The following EFCAB7 variants were observed in gnomAD, a reference collection of about 807,000 sequenced individuals.
EFCAB7 encodes the protein EF-hand calcium-binding domain-containing protein 7.
EFCAB7 carries 66 observed loss-of-function variants against 77.1 expected under a neutral mutation model. The ratio of observed to expected loss-of-function variants is 0.86; its 90% CI spans 0.70 to 1.05. The LOEUF (loss-of-function observed/expected upper bound fraction) is 1.05, where lower values mean the gene tolerates loss of function less well. Among genes scored for constraint, EFCAB7 ranks in the 50% least tolerant of loss-of-function variants. The probability of loss-of-function intolerance (pLI) is 0.00; values close to 1 mark genes in which losing one functional copy is unlikely to be tolerated. For missense variants in EFCAB7, 638 were observed against 730.5 expected, an observed-to-expected ratio of 0.87 and a Z score of 1.46; for synonymous variants, 225 against 243.3, an observed-to-expected ratio of 0.92 and a Z score of 0.70.
At chr1:63,584,318 G>T in the EFCAB7 span, among the ~76,000 whole-genome samples, 1 of 152,170 alleles carries the variant, frequency 6.6e-6, no homozygotes, top group East Asian at 1.9e-4. Flanking sequence ...ACTTTGGGAG[G>T]CTGAGGTGGA....
intron 4 of EFCAB7, 60 bp downstream of exon 4, chr1:63,532,816 TC>T: frequency 1.5e-6 from 2 of 1,363,286 alleles, no homozygotes; most frequent in African/African-American, 1.5e-5. Flanking sequence ...TTTTTATTTT[TC>T]CCCAGCTTTA....
intron 1 of EFCAB7, among the ~76,000 whole-genome samples, chr1:63,525,246 ATTC>A (rs546664049): frequency 1.9e-4 from 29 of 152,184 alleles, no homozygotes; most frequent in African/African-American, 6.7e-4. Context: ...TTGTTCAGTG[ATTC>A]TTCTCTTGTG....
chr1:63,541,393 G>A (rs986609703), intron 6 of EFCAB7, among the ~76,000 whole-genome samples: 8 of 152,098 alleles, frequency 5.3e-5, no homozygotes, highest in African/African-American at 1.9e-4. Flanking sequence ...CATGTCAATA[G>A]CTTTAAAAAT....
the EFCAB7 span, among the ~76,000 whole-genome samples, chr1:63,580,531 T>C: frequency 6.6e-6 from 1 of 152,232 alleles, no homozygotes; most frequent in South Asian, 2.1e-4. Context: ...GGTACTGTTC[T>C]TTTCCAGAAT....
intron 10 of EFCAB7, among the ~76,000 whole-genome samples, chr1:63,559,136 T>C (rs1647063777): frequency 6.6e-6 from 1 of 151,620 alleles, no homozygotes; most frequent in Admixed American, 6.6e-5. Context: ...ACCCCACTTG[T>C]ACTAAAAATA....
At position 63,572,346 on chromosome 1, in the gene EFCAB7, T is replaced by TA. The variant is rs577807194; in HGVS notation, c.1816-96_1816-95insA. The TA allele has an allele frequency of 3.9e-4, 375 of 966,352 alleles. 1 individual carries two copies. The African/African-American group carries it at 6.1e-3, about 16-fold the overall frequency. The allele number at this position is 966,352 out of a possible 1,614,324, so 59.9% of individuals were successfully genotyped here. A position where few individuals can be genotyped will look rare whatever the true frequency, so the allele number is the denominator to read the frequency against. ...TAGAATTTTATCTGTACAGGGATAT[T>TA]CTTATACAAGGCCTAGAAATGTTGT... On this transcript the variant is annotated intron_variant, in intron 13 of 13. Transcript: ENST00000371088.
intron 13 of EFCAB7, 99 bp downstream of exon 13, chr1:63,571,227 A>G (rs1647249129): frequency 8.0e-6 from 6 of 746,416 alleles, no homozygotes; most frequent in Non-Finnish European, 1.1e-5. Flanking sequence ...AATGGAGTGG[A>G]AAATTATTTT....
chr1:63,572,021 G>C (rs1187801073), intron 13 of EFCAB7, among the ~76,000 whole-genome samples: 1 of 152,206 alleles, frequency 6.6e-6, no homozygotes, highest in Non-Finnish European at 1.5e-5. Flanking sequence ...TACTGGGCAA[G>C]TGAAGGGAGA....
intron 2 of EFCAB7, among the ~76,000 whole-genome samples, chr1:63,531,430 T>C (rs866426128): frequency 9.8e-4 from 149 of 152,300 alleles, no homozygotes; most frequent in African/African-American, 3.4e-3. Flanking sequence ...ATTTATACTT[T>C]TTGTGTTATC....
intron 10 of EFCAB7, among the ~76,000 whole-genome samples, chr1:63,559,556 G>A (rs950873947): frequency 6.6e-6 from 1 of 152,054 alleles, no homozygotes; most frequent in Non-Finnish European, 1.5e-5. Flanking sequence ...CCTGCCTCCA[G>A]GCTCAAGCGA....
downstream of EFCAB7, among the ~76,000 whole-genome samples, chr1:63,576,245 C>T (rs1249344958): frequency 6.6e-6 from 1 of 152,122 alleles, no homozygotes; most frequent in East Asian, 1.9e-4. Context: ...CTTGGGAGGC[C>T]GAGGCTGGCA....
chr1:63,545,153 A>T (rs1374667656), intron 6 of EFCAB7, among the ~76,000 whole-genome samples: 1 of 151,374 alleles, frequency 6.6e-6, no homozygotes, highest in Non-Finnish European at 1.5e-5. Flanking sequence ...TCCTGATCTC[A>T]TGATCCACCC....
intron 9 of EFCAB7, among the ~76,000 whole-genome samples, chr1:63,556,489 C>T (rs970907090): frequency 2.6e-5 from 4 of 151,936 alleles, no homozygotes; most frequent in Non-Finnish European, 5.9e-5. Context: ...AGTCAAACAT[C>T]GACAATTTCT....
intron 10 of EFCAB7, among the ~76,000 whole-genome samples, chr1:63,558,512 C>T (rs1647056123): frequency 6.6e-6 from 1 of 152,102 alleles, no homozygotes; most frequent in Non-Finnish European, 1.5e-5. Flanking sequence ...CACAGATAGG[C>T]TCCAGAACTT....
intron 12 of EFCAB7, 138 bp downstream of exon 12, chr1:63,568,657 C>G (rs1337974699): frequency 3.2e-6 from 2 of 620,360 alleles, no homozygotes; most frequent in Non-Finnish European, 5.0e-6. Context: ...ATTATTTTTT[C>G]TCCTCAGGTT....
At chr1:63,528,736 T>C (rs780715442) in intron 2 of EFCAB7, among the ~76,000 whole-genome samples, 26 of 152,144 alleles carry the variant, frequency 1.7e-4, no homozygotes, top group Non-Finnish European at 3.5e-4. Context: ...AAAGGCACTT[T>C]AGGCTTAACA....
chr1:63,571,437 G>T (rs1034422103), intron 13 of EFCAB7, among the ~76,000 whole-genome samples: 1 of 152,056 alleles, frequency 6.6e-6, no homozygotes. Context: ...ACTTTGGGAG[G>T]CCGAGGTGGG....
intron 8 of EFCAB7, among the ~76,000 whole-genome samples, chr1:63,552,748 C>T (rs942735835): frequency 2.6e-5 from 4 of 152,110 alleles, no homozygotes; most frequent in African/African-American, 9.7e-5. Flanking sequence ...CATATTTAAT[C>T]TTTATATAGG....
At chr1:63,556,672 A>G (rs1443695643) in intron 9 of EFCAB7, among the ~76,000 whole-genome samples, 1 of 151,622 alleles carries the variant, frequency 6.6e-6, no homozygotes, top group Non-Finnish European at 1.5e-5. Flanking sequence ...CATTAACTTT[A>G]TAGTTTACAG....
Sources: gnomAD v4.1 joint callset for allele counts (sites outside exome capture counted in the v4.1 genomes callset) on GRCh38, gnomAD v4.1.1 for gene constraint, MANE v1.5 for transcripts, NCBI Gene and HGNC (gene_info 2026-07-23, HGNC 2026-07-21) for gene names.